The following ELL2 variants were observed in gnomAD, a reference collection of about 807,000 sequenced individuals.
The protein encoded by ELL2 is RNA polymerase II elongation factor ELL2.
A neutral mutation model predicts 72.8 loss-of-function variants in ELL2; 21 were observed. That is an observed-to-expected ratio of 0.29 (90% CI 0.20 to 0.42). The LOEUF (loss-of-function observed/expected upper bound fraction) is 0.42, where lower values mean the gene tolerates loss of function less well. ELL2 is among the 10% of genes least tolerant of loss of function. ELL2 has a pLI of 1.00. For missense variants in ELL2, 568 were observed against 772.8 expected, an observed-to-expected ratio of 0.73 and a Z score of 3.14; for synonymous variants, 266 against 283.2, an observed-to-expected ratio of 0.94 and a Z score of 0.61.
rs146782157 is a variant in ELL2, at chr5:95,903,464, C to T, written c.742-2384G>A. On this transcript the variant is annotated intron_variant, in intron 5 of 11. Coordinates refer to ENST00000237853, the MANE Select transcript of ELL2 (RefSeq NM_012081.6). ...CAGGCTAGTCTCGAATTCCTGACCTCGTGATCCCCCCACCTCGGCCTCCTA... is the reference window on the plus strand; with the variant it reads ...CAGGCTAGTCTCGAATTCCTGACCTTGTGATCCCCCCACCTCGGCCTCCTA... 7.1e-3 allele frequency among the ~76,000 whole-genome samples: 1,074 copies of T among 151,640 alleles called. 10 individuals are homozygous for T. Among genetic ancestry groups the T allele is most frequent in the African/African-American group, 0.024 (990 of 41,338 alleles).
rs1236888271 is a variant in ELL2 at position 95,889,077 on chromosome 5, G to C, written c.1806+9C>G. On this transcript the variant is annotated intron_variant, in intron 11 of 11. Coordinates refer to ENST00000237853, the MANE Select transcript of ELL2 (RefSeq NM_012081.6). ...CACAGGTCAGAAAATCAACAGTGATGATACCTACCTGCTTTATCTTCTGAT... is the reference window on the plus strand; with the variant it reads ...CACAGGTCAGAAAATCAACAGTGATCATACCTACCTGCTTTATCTTCTGAT... The C allele has an allele frequency of 6.2e-7, 1 of 1,608,232 alleles. No homozygotes were observed. Among genetic ancestry groups the C allele is most frequent in the African/African-American group, 1.3e-5 (1 of 74,324 alleles).
intron 2 of ELL2, among the ~76,000 whole-genome samples, chr5:95,937,975 A>G (rs1007568433): frequency 1.3e-5 from 2 of 152,224 alleles, no homozygotes; most frequent in Non-Finnish European, 2.9e-5. Context: ...CCAGGAACCA[A>G]GTAGGGTAGG....
At position 95,935,205 on chromosome 5, in the gene ELL2, T is replaced by C. The variant is rs139558229; in HGVS notation, c.195+7797A>G. On this transcript the variant is annotated intron_variant, in intron 2 of 11. Coordinates refer to ENST00000237853, the MANE Select transcript of ELL2 (RefSeq NM_012081.6). The stretch of plus-strand genomic sequence containing the variant: ...ATAGATTGTCTGATTATTCCTGTTA[T>C]TAAACTTTATAAAAACGGCATCATA... 8.5e-3 allele frequency among the ~76,000 whole-genome samples: 1,299 copies of C among 152,322 alleles called. 17 individuals are homozygous for C. Among genetic ancestry groups the C allele is most frequent in the African/African-American group, 0.03 (1,251 of 41,562 alleles).
At chr5:95,939,566 A>G (rs746331498) in intron 2 of ELL2, among the ~76,000 whole-genome samples, 1 of 152,260 alleles carries the variant, frequency 6.6e-6, no homozygotes, top group Non-Finnish European at 1.5e-5. Context: ...CTGCTATTAC[A>G]GTATGGCAGG....
chr5:95,936,004 A>G (rs992447985), intron 2 of ELL2, among the ~76,000 whole-genome samples: 2 of 152,216 alleles, frequency 1.3e-5, no homozygotes, highest in African/African-American at 4.8e-5. Context: ...GACCCATTGG[A>G]AGGTCATGGC....
intron 2 of ELL2, among the ~76,000 whole-genome samples, chr5:95,927,434 CGTGTGTATATAGACATACACACACACGT>C (rs1750358515): frequency 2.1e-5 from 1 of 47,900 alleles, no homozygotes; most frequent in Non-Finnish European, 3.4e-5. Context: ...TACACACACA[CGTGTGTATATAGACATACACACACACGT>C]GTGTATATAG....
In ELL2 at chr5:95,888,214, CA is replaced by C. The variant is rs1179743079; in HGVS notation, c.*656del. 6.6e-6 allele frequency: 1 copy of C among 152,518 alleles called. No homozygotes were observed. The highest frequency in any genetic ancestry group is 1.5e-5 in the Non-Finnish European group (1 of 68,020). 9.4% of individuals were successfully genotyped at this position (152,518 alleles called of 1,614,324 possible). On this transcript the variant is annotated 3_prime_UTR_variant, in exon 12 of 12. Coordinates refer to ENST00000237853, the MANE Select transcript of ELL2 (RefSeq NM_012081.6). ...AGCTAATGATTAACCACACTATGTA[CA>C]CAACTAGCAAACACCTTAAGGCAAC...
chr5:95,894,112 C>T (rs1191308528), intron 9 of ELL2, among the ~76,000 whole-genome samples: 4 of 152,126 alleles, frequency 2.6e-5, no homozygotes, highest in African/African-American at 7.2e-5. Context: ...ATTACCCAGG[C>T]GTGGTAGTGG....
intron 2 of ELL2, among the ~76,000 whole-genome samples, chr5:95,927,414 TATATA>T (rs1206674079): frequency 5.2e-5 from 3 of 57,270 alleles, no homozygotes; most frequent in Non-Finnish European, 9.3e-5. Flanking sequence ...CACACGTGTG[TATATA>T]GACATACACA....
intron 10 of ELL2, 34 bp from the exon 11 acceptor site, chr5:95,889,164 C>T: frequency 6.6e-7 from 1 of 1,525,370 alleles, no homozygotes; most frequent in Non-Finnish European, 9.0e-7. Context: ...CAGAAGAGAA[C>T]AACTTCTTTT....
intron 2 of ELL2, among the ~76,000 whole-genome samples, chr5:95,935,539 C>T (rs1315225256): frequency 6.6e-6 from 1 of 152,190 alleles, no homozygotes; most frequent in East Asian, 1.9e-4. Context: ...CTTCTTACGA[C>T]TAAGGTTCCA....
chr5:95,958,652 T>C (rs1367964707), intron 1 of ELL2, among the ~76,000 whole-genome samples: 1 of 152,214 alleles, frequency 6.6e-6, no homozygotes. Context: ...TCAGCTTATG[T>C]ACCATCCCCC....
At chr5:95,927,444 T>G (rs1454578318) in intron 2 of ELL2, among the ~76,000 whole-genome samples, 1 of 53,336 alleles carries the variant, frequency 1.9e-5, no homozygotes, top group Non-Finnish European at 3.1e-5. Context: ...CGTGTGTATA[T>G]AGACATACAC....
rs745595697 is a variant in ELL2 at position 95,961,712 on chromosome 5, C to A, written c.10G>T (p.Gly4Trp). MAA[G>W]GTGGLREEQR... ...TCCTCCCGCAGGCCCCCTGTCCCCC[C>A]CGCCGCCATCTTAAACTCCCCGGGG... The change falls in exon 1 of 12, where the codon GGG becomes TGG. Residue 4 changes from glycine to tryptophan, a missense_variant. By Grantham distance (184) the Gly-to-Trp change is radical. Coordinates refer to ENST00000237853, the MANE Select transcript of ELL2 (RefSeq NM_012081.6). 33 of 1,605,482 alleles carry A rather than the reference C, an allele frequency of 2.1e-5. No individual in the cohort carries two copies. The highest frequency in any genetic ancestry group is 2.7e-5 in the Non-Finnish European group (32 of 1,177,194).
At chr5:95,938,018 G>T (rs894077040) in intron 2 of ELL2, among the ~76,000 whole-genome samples, 33 of 151,998 alleles carry the variant, frequency 2.2e-4, no homozygotes, top group African/African-American at 6.3e-4. Context: ...TTTTCAAGGG[G>T]GCTGAAATTG....
chr5:95,890,526 C>T (rs1362381152), intron 10 of ELL2, among the ~76,000 whole-genome samples: 1 of 152,222 alleles, frequency 6.6e-6, no homozygotes, highest in African/African-American at 2.4e-5. Flanking sequence ...GCAGGCATCT[C>T]CTGCTCTTTG....
At chr5:95,927,848 T>TAGACATACACACACATATGTGTGTATA (rs1750451947) in intron 2 of ELL2, among the ~76,000 whole-genome samples, 1 of 143,940 alleles carries the variant, frequency 6.9e-6, no homozygotes, top group Non-Finnish European at 1.5e-5. Flanking sequence ...TGTGTGTATA[T>TAGACATACACACACATATGTGTGTATA]TTTACTTTGA....
chr5:95,900,835 T>C (rs1311834934), intron 6 of ELL2, 55 bp from the exon 7 acceptor site: 3 of 1,564,372 alleles, frequency 1.9e-6, no homozygotes, highest in Non-Finnish European at 2.6e-6. Flanking sequence ...ATGTTCATGA[T>C]AGAAAGCTTG....
rs115971087 is a variant in ELL2, at chr5:95,891,876, C to A, written c.1590-602G>T. Among the ~76,000 whole-genome samples the A allele has an allele frequency of 3.2e-3, 482 of 152,290 alleles. 1 individual carries two copies. Among genetic ancestry groups the A allele is most frequent in the African/African-American group, 0.01 (428 of 41,548 alleles). On this transcript the variant is annotated intron_variant, in intron 9 of 11. Transcript: ENST00000237853. ...TACATGAAACACAAAAGGGAAATTA[C>A]CAACCATTCTGTAAAATGAGGGTTA...
Sources: allele counts gnomAD v4.1 joint callset (sites outside exome capture counted in the v4.1 genomes callset), GRCh38; gene constraint gnomAD v4.1.1; transcripts MANE v1.5; gene names NCBI Gene and HGNC (gene_info 2026-07-23, HGNC 2026-07-21).